SGMS1: variants seen among roughly 807,000 people sequenced by gnomAD.
The protein encoded by SGMS1 is phosphatidylcholine:ceramide cholinephosphotransferase 1.
In SGMS1, 13 loss-of-function variants were observed where a neutral mutation model predicts 46.2. The observed-to-expected ratio is 0.28, with a 90% CI of 0.18 to 0.45. The LOEUF (loss-of-function observed/expected upper bound fraction) is 0.45. Among genes scored for constraint, SGMS1 ranks in the 20% least tolerant of loss-of-function variants. The probability of loss-of-function intolerance (pLI) is 1.00; values close to 1 mark genes in which losing one functional copy is unlikely to be tolerated. For synonymous variants in SGMS1, 203 were observed against 187.8 expected (o/e 1.08, Z -0.66); for missense variants, 324 against 519.9 (o/e 0.62, Z 3.66).
intron 2 of SGMS1, among the ~76,000 whole-genome samples, chr10:50,561,277 C>G (rs1338263185): frequency 6.6e-6 from 1 of 152,152 alleles, no homozygotes; most frequent in Non-Finnish European, 1.5e-5. Flanking sequence ...ATTACAATAC[C>G]AAAACAGTAC....
chr10:50,341,493 C>A lies in SGMS1; in HGVS notation c.623+1999G>T, dbSNP rs1452939058. The A allele has an allele frequency of 6.6e-6, 3 of 452,256 alleles. No individual in the cohort carries two copies. In the East Asian group the frequency reaches 2.1e-4, roughly 31 times the overall value. 28.0% of individuals were successfully genotyped at this position (452,256 alleles called of 1,614,324 possible). ...TAGTTGGATGCATTCTGGACACAAA[C>A]GCTCTGAAGCTAATAAAATTCAATA... On this transcript the variant is annotated intron_variant, in intron 7 of 10. Transcript: ENST00000361781.
chr10:50,352,226 G>A (rs1217048069), intron 6 of SGMS1, among the ~76,000 whole-genome samples: 1 of 152,122 alleles, frequency 6.6e-6, no homozygotes, highest in East Asian at 1.9e-4. Flanking sequence ...GCTAAAAAGT[G>A]GACCCCCAAG....
chr10:50,392,937 A>AT (rs1378036796), intron 6 of SGMS1, among the ~76,000 whole-genome samples: 1 of 152,138 alleles, frequency 6.6e-6, no homozygotes, highest in African/African-American at 2.4e-5. Context: ...TTGAAATTTA[A>AT]TCTGGTATGA....
At chr10:50,370,605 G>A (rs1216740460) in intron 6 of SGMS1, among the ~76,000 whole-genome samples, 1 of 151,776 alleles carries the variant, frequency 6.6e-6, no homozygotes, top group Non-Finnish European at 1.5e-5. Flanking sequence ...GCTGGGTGTG[G>A]TGGTGCATGC....
intron 9 of SGMS1, among the ~76,000 whole-genome samples, chr10:50,310,643 G>C (rs781509439): frequency 3.3e-5 from 5 of 151,448 alleles, no homozygotes; most frequent in Non-Finnish European, 7.4e-5. Context: ...TTTCTAAAAG[G>C]GTTATCTGAA....
At chr10:50,528,619 G>A (rs1017633332) in intron 2 of SGMS1, among the ~76,000 whole-genome samples, 1 of 152,200 alleles carries the variant, frequency 6.6e-6, no homozygotes, top group African/African-American at 2.4e-5. Flanking sequence ...AAGAAGCCTA[G>A]GCTGGGTGGT....
intron 3 of SGMS1, among the ~76,000 whole-genome samples, chr10:50,511,591 G>A (rs1269396996): frequency 6.6e-6 from 1 of 152,178 alleles, no homozygotes; most frequent in East Asian, 1.9e-4. Flanking sequence ...TCCATGTGAT[G>A]TTACCTTAGG....
chr10:50,499,055 T>C (rs867373824), intron 3 of SGMS1, among the ~76,000 whole-genome samples: 1 of 152,224 alleles, frequency 6.6e-6, no homozygotes, highest in African/African-American at 2.4e-5. Flanking sequence ...GCTAATAGAA[T>C]TAAACTTTTG....
intron 8 of SGMS1, among the ~76,000 whole-genome samples, chr10:50,318,422 T>A (rs1251369199): frequency 6.6e-6 from 1 of 152,236 alleles, no homozygotes; most frequent in Non-Finnish European, 1.5e-5. Flanking sequence ...TTTATAAAAG[T>A]GATTGCTAAA....
intron 3 of SGMS1, among the ~76,000 whole-genome samples, chr10:50,490,854 C>A (rs906693529): frequency 6.6e-6 from 1 of 152,128 alleles, no homozygotes; most frequent in African/African-American, 2.4e-5. Flanking sequence ...AGTGGGTGCT[C>A]CCACTCCATG....
chr10:50,370,660 G>T (rs1848421099), intron 6 of SGMS1, among the ~76,000 whole-genome samples: 1 of 150,676 alleles, frequency 6.6e-6, no homozygotes, highest in Non-Finnish European at 1.5e-5. Context: ...AGAATCACTT[G>T]AACCCAGGAG....
At chr10:50,309,611 T>C (rs959675215) in intron 9 of SGMS1, among the ~76,000 whole-genome samples, 10 of 152,184 alleles carry the variant, frequency 6.6e-5, no homozygotes, top group African/African-American at 2.2e-4. Flanking sequence ...TCCAGTTACA[T>C]TCCAGTCCAA....
rs16937517 is a variant in SGMS1, at chr10:50,479,212, C to G, written c.-497-12280G>C. Among the ~76,000 whole-genome samples, 535 of 152,058 alleles carry G rather than the reference C, an allele frequency of 3.5e-3. 1 individual carries two copies. Among genetic ancestry groups the G allele is most frequent in the Admixed American group, 6.0e-3 (92 of 15,270 alleles). ...TGAAACTGATTCACTTAGCTTGGCT[C>G]TTGGGTTCTCTCCATTGGATGTATT... On this transcript the variant is annotated intron_variant, in intron 3 of 10. Transcript: ENST00000361781.
At chr10:50,411,473 C>T (rs945786200) in intron 6 of SGMS1, among the ~76,000 whole-genome samples, 2 of 152,166 alleles carry the variant, frequency 1.3e-5, no homozygotes, top group Non-Finnish European at 2.9e-5. Flanking sequence ...TGCAAAATTA[C>T]AAGTTGATGC....
At chr10:50,513,351 T>C (rs141455095) in intron 3 of SGMS1, among the ~76,000 whole-genome samples, 164 of 152,294 alleles carry the variant, frequency 1.1e-3, no homozygotes, top group Middle Eastern at 6.8e-3. Flanking sequence ...CAGACACTGG[T>C]GCAGCCCTCT....
chr10:50,394,680 C>T (rs59225349), intron 6 of SGMS1, among the ~76,000 whole-genome samples: 1 of 152,136 alleles, frequency 6.6e-6, no homozygotes, highest in East Asian at 1.9e-4. Context: ...ACTGCCTTTG[C>T]CTTTTGTTTT....
At chr10:50,371,223 C>T (rs977025650) in intron 6 of SGMS1, among the ~76,000 whole-genome samples, 1 of 152,138 alleles carries the variant, frequency 6.6e-6, no homozygotes, top group African/African-American at 2.4e-5. Context: ...TCATTTGGGA[C>T]CACCATTGTA....
chr10:50,517,933 T>G (rs1837820053), intron 3 of SGMS1, among the ~76,000 whole-genome samples: 1 of 151,970 alleles, frequency 6.6e-6, no homozygotes, highest in African/African-American at 2.4e-5. Flanking sequence ...ATAAAGACAT[T>G]TCAGAAACCA....
chr10:50,617,725 C>T (rs879943537), intron 1 of SGMS1, among the ~76,000 whole-genome samples: 1 of 150,966 alleles, frequency 6.6e-6, no homozygotes, highest in Non-Finnish European at 1.5e-5. Flanking sequence ...AGGACTATAC[C>T]AATTAGCCAG....
Sources: gnomAD v4.1 joint callset for allele counts (sites outside exome capture counted in the v4.1 genomes callset) on GRCh38, gnomAD v4.1.1 for gene constraint, MANE v1.5 for transcripts, NCBI Gene and HGNC (gene_info 2026-07-23, HGNC 2026-07-21) for gene names.